Variants in RBL2 observed in about 807,000 individuals in gnomAD.
RBL2 encodes retinoblastoma-like protein 2.
Under a neutral mutation model 126.0 loss-of-function variants are expected in RBL2, and 56 were observed. The observed-to-expected ratio is 0.44, with a 90% CI of 0.36 to 0.56. The LOEUF (loss-of-function observed/expected upper bound fraction) is 0.56, where lower values mean the gene tolerates loss of function less well. Ranked by LOEUF, RBL2 falls within the 20% of genes least tolerant of loss-of-function variation. The pLI, the probability that RBL2 is intolerant of heterozygous loss-of-function variation, is 0.00. For missense variants in RBL2, 1,229 were observed against 1,398.2 expected (o/e 0.88, Z 1.93); for synonymous variants, 454 against 478.5 (o/e 0.95, Z 0.67).
chr16:53,443,972 G>C (rs1479121259), intron 3 of RBL2, among the ~76,000 whole-genome samples: 1 of 152,244 alleles, frequency 6.6e-6, no homozygotes, highest in Non-Finnish European at 1.5e-5. Flanking sequence ...TTCTGAGCCA[G>C]GCGGGTTGGC....
intron 14 of RBL2, among the ~76,000 whole-genome samples, chr16:53,468,756 T>C (rs940631939): frequency 3.3e-5 from 5 of 152,212 alleles, no homozygotes; most frequent in African/African-American, 1.2e-4. Flanking sequence ...AAACTTTCTA[T>C]GTATATTTTA....
chr16:53,440,797 A>G (rs541491997), intron 2 of RBL2, among the ~76,000 whole-genome samples: 1 of 151,882 alleles, frequency 6.6e-6, no homozygotes, highest in Admixed American at 6.6e-5. Context: ...CAGGTGATCC[A>G]CCCGCCTTGG....
intron 17 of RBL2, among the ~76,000 whole-genome samples, chr16:53,473,836 G>GT (rs954445232): frequency 2.6e-4 from 39 of 151,072 alleles, no homozygotes; most frequent in South Asian, 6.3e-4. Flanking sequence ...TTCATTGAGT[G>GT]TTTTTTTTAT....
chr16:53,454,089 A>C, intron 7 of RBL2: 1 of 408,196 alleles, frequency 2.4e-6, no homozygotes, highest in Non-Finnish European at 4.7e-6. Flanking sequence ...CAGATAGTTA[A>C]GCTTCTCACC....
At chr16:53,442,123 A>C (rs1444288552) in intron 2 of RBL2, among the ~76,000 whole-genome samples, 1 of 151,944 alleles carries the variant, frequency 6.6e-6, no homozygotes, top group African/African-American at 2.4e-5. Context: ...CCTAGCCTTG[A>C]CTGCTTCTAT....
At chr16:53,447,301 T>G (rs1401901219) in intron 4 of RBL2, among the ~76,000 whole-genome samples, 195 bp downstream of exon 4, 3 of 106,526 alleles carry the variant, frequency 2.8e-5, no homozygotes, top group African/African-American at 7.2e-5. Flanking sequence ...TATCCAAATC[T>G]TCTCTTATTA....
chr16:53,453,558 G>C lies in RBL2; in HGVS notation c.873G>C (p.Lys291Asn). Reference protein sequence around the residue: ...SLHDGLVLEAKGIKEHFWKPY... With the variant: ...SLHDGLVLEANGIKEHFWKPY... ...ATGATGGCCTAGTTTTGGAAGCAAAGGGGATAAAGGAACATTTCTGGAAAC... is the reference window on the plus strand; with the variant it reads ...ATGATGGCCTAGTTTTGGAAGCAAACGGGATAAAGGAACATTTCTGGAAAC... Residue 291 changes from lysine (K) to asparagine (N), a missense_variant, in exon 6 of 22, where the codon AAG becomes AAC. By Grantham distance (94) the Lys-to-Asn change is moderately conservative. Coordinates refer to ENST00000262133, the MANE Select transcript of RBL2 (RefSeq NM_005611.4). 6.2e-7 allele frequency: 1 copy of C among 1,613,462 alleles called. No individual in the cohort carries two copies. The highest frequency in any genetic ancestry group is 8.5e-7 in the Non-Finnish European group (1 of 1,179,646).
intron 20 of RBL2, 163 bp from the exon 21 acceptor site, chr16:53,481,508 T>A: frequency 1.6e-6 from 1 of 632,038 alleles, no homozygotes; most frequent in Admixed American, 3.4e-5. Flanking sequence ...GCACTTAAGG[T>A]TTGCTATTAG....
chr16:53,438,944 C>A, intron 1 of RBL2, 72 bp from the exon 2 acceptor site: 6 of 881,098 alleles, frequency 6.8e-6, no homozygotes, highest in Non-Finnish European at 5.8e-6. Context: ...TCAATTTAAA[C>A]ATACTTTTAA....
chr16:53,452,842 T>C (rs1227100665), intron 5 of RBL2, among the ~76,000 whole-genome samples: 1 of 151,988 alleles, frequency 6.6e-6, no homozygotes, highest in Non-Finnish European at 1.5e-5. Flanking sequence ...AATTTTTTTG[T>C]ATTTTTCAGT....
intron 18 of RBL2, 86 bp downstream of exon 18, chr16:53,479,311 C>G: frequency 2.4e-6 from 3 of 1,252,408 alleles, no homozygotes; most frequent in Non-Finnish European, 3.4e-6. Flanking sequence ...ACTCTGTGGC[C>G]TTTTTTCCAA....
intron 21 of RBL2, among the ~76,000 whole-genome samples, chr16:53,485,684 T>G (rs1961137856): frequency 6.6e-6 from 1 of 151,322 alleles, no homozygotes; most frequent in African/African-American, 2.4e-5. Context: ...CAAGACCTTG[T>G]CTCTACTTTA....
rs151088168 is a variant in RBL2, at chr16:53,480,736, T to G, written c.3051T>G (p.Ile1017Met). 2.5e-6 allele frequency: 4 copies of G among 1,613,142 alleles called. No homozygotes were observed. The highest frequency in any genetic ancestry group is 3.8e-4 in the Middle Eastern group (2 of 5,332). Reference protein sequence around the residue: ...QFYNNIYIKQIKTFAMKYSQA... With the variant: ...QFYNNIYIKQMKTFAMKYSQA... ...ACAACAACATCTACATCAAACAGAT[T>G]AAGACATTTGCCATGAAGTACTCAC... The change falls in exon 20 of 22, where the codon ATT becomes ATG. Residue 1017 changes from isoleucine (I) to methionine (M), a missense_variant. By Grantham distance (10) the Ile-to-Met change is conservative. Coordinates refer to ENST00000262133, the MANE Select transcript of RBL2 (RefSeq NM_005611.4).
At chr16:53,438,931 CTTTCAA>C in intron 1 of RBL2, 79 bp from the exon 2 acceptor site, 1 of 749,584 alleles carries the variant, frequency 1.3e-6, no homozygotes, top group Non-Finnish European at 1.7e-6. Context: ...ATAAACAACA[CTTTCAA>C]TTTAAACATA....
chr16:53,437,137 T>G (rs13334138), intron 1 of RBL2, among the ~76,000 whole-genome samples: 7,878 of 152,094 alleles, frequency 0.052, 612 homozygotes, highest in African/African-American at 0.17. Flanking sequence ...TTTTAAACCC[T>G]TTATTGAAGC....
chr16:53,455,853 T>C (rs1342128568), intron 8 of RBL2, among the ~76,000 whole-genome samples: 2 of 151,922 alleles, frequency 1.3e-5, no homozygotes. Context: ...GTGGTAGGAA[T>C]AGAGTGAGGG....
Position 53,470,039 on chromosome 16 carries a change from C to A in RBL2, c.2099C>A (p.Pro700Gln). Residue 700 changes from proline (P) to glutamine (Q), a missense_variant, in exon 15 of 22, where the codon CCA becomes CAA. Pro to Gln is a moderately conservative substitution (Grantham distance 76). This residue lies in a region of RBL2 where 1,070 missense variants were observed against 1,274.3 expected (regional missense o/e 0.84). Transcript: ENST00000262133. ...GGAGGGACGCCTGGGCGCATGCCCC[C>A]ACAGCCCCTAGTCAATGCTGTCCCT... ...SDGGTPGRMP[P>Q]QPLVNAVPVQ... The A allele has an allele frequency of 6.2e-7, 1 of 1,614,230 alleles. No individual in the cohort carries two copies. The highest frequency in any genetic ancestry group is 8.5e-7 in the Non-Finnish European group (1 of 1,180,024).
At chr16:53,444,502 G>A (rs1282754524) in intron 3 of RBL2, among the ~76,000 whole-genome samples, 2 of 151,622 alleles carry the variant, frequency 1.3e-5, no homozygotes, top group Non-Finnish European at 2.9e-5. Flanking sequence ...GCAGTGAGCC[G>A]AGATCACGCC....
chr16:53,486,901 C>G lies in RBL2; in HGVS notation c.3250-3229C>G, dbSNP rs138561339. On this transcript the variant is annotated intron_variant, in intron 21 of 21. Transcript: ENST00000262133. ...CAACATACAAAAATCAAATGTATTT[C>G]TATATGCTAGCAGTGAACAATCAGA... 1.8e-3 allele frequency among the ~76,000 whole-genome samples: 278 copies of G among 152,268 alleles called. 2 individuals carry two copies. The highest frequency in any genetic ancestry group is 6.3e-3 in the African/African-American group (260 of 41,562).
Sources: gnomAD v4.1 joint callset for allele counts (sites outside exome capture counted in the v4.1 genomes callset) on GRCh38, gnomAD v4.1.1 for gene constraint, gnomAD v4.1.1 regional missense constraint, MANE v1.5 for transcripts, NCBI Gene and HGNC (gene_info 2026-07-23, HGNC 2026-07-21) for gene names.